Variants in FRMPD4 observed in about 807,000 individuals in gnomAD.
The protein encoded by FRMPD4 is FERM and PDZ domain containing 4.
In FRMPD4, 22 loss-of-function variants were observed where a neutral mutation model predicts 94.1. The observed-to-expected ratio is 0.23, with a 90% CI of 0.17 to 0.33. FRMPD4 has a LOEUF of 0.33. FRMPD4 is among the 10% of genes least tolerant of loss of function. FRMPD4 has a pLI of 1.00. For missense variants in FRMPD4, 1,111 were observed against 1,339.9 expected (o/e 0.83, Z 2.67); for synonymous variants, 631 against 548.6 (o/e 1.15, Z -2.10).
At chrX:12,545,506 T>C (rs1250837012) in intron 2 of FRMPD4, among the ~76,000 whole-genome samples, 1 of 112,860 alleles carries the variant, frequency 8.9e-6, no homozygotes, top group Non-Finnish European at 1.9e-5. Context: ...GGATGGTTGG[T>C]GCCCTAGGGC....
chrX:12,610,638 C>G (rs1474366237), intron 3 of FRMPD4, among the ~76,000 whole-genome samples: 1 of 110,249 alleles, frequency 9.1e-6, no homozygotes, highest in Non-Finnish European at 1.9e-5. Flanking sequence ...GTCCCAGCTA[C>G]TCGGGAGACT....
At chrX:12,484,584 T>C (rs2148201240) in intron 1 of FRMPD4, among the ~76,000 whole-genome samples, 1 of 112,023 alleles carries the variant, frequency 8.9e-6, no homozygotes, top group East Asian at 2.8e-4. Context: ...TACAATCAGA[T>C]GTTTGCTTCT....
intron 1 of FRMPD4, among the ~76,000 whole-genome samples, chrX:12,371,236 G>T (rs754095058): frequency 3.6e-5 from 4 of 112,405 alleles, no homozygotes; most frequent in African/African-American, 1.3e-4. Context: ...TGACATTTAC[G>T]TTTCCCCAAA....
At chrX:12,467,557 A>G (rs1165660713) in intron 1 of FRMPD4, among the ~76,000 whole-genome samples, 5 of 112,400 alleles carry the variant, frequency 4.4e-5, no homozygotes. Flanking sequence ...TCCACAGTAC[A>G]AAAGTGCCCA....
chrX:11,998,175 C>T (rs886930285), intron 3 of FRMPD4, among the ~76,000 whole-genome samples: 21 of 111,755 alleles, frequency 1.9e-4, no homozygotes, highest in African/African-American at 6.2e-4. Context: ...ATTCCCACCC[C>T]CTGCAAGGCC....
At chrX:12,463,709 T>TTC (rs1569286431) in intron 1 of FRMPD4, among the ~76,000 whole-genome samples, 1 of 101,188 alleles carries the variant, frequency 9.9e-6, no homozygotes, top group Non-Finnish European at 2.0e-5. Flanking sequence ...TTTTTTTTTT[T>TTC]TAACAGAGCA....
At chrX:12,346,606 C>T (rs1447802360) in intron 1 of FRMPD4, among the ~76,000 whole-genome samples, 10 of 111,487 alleles carry the variant, frequency 9.0e-5, no homozygotes, top group East Asian at 2.8e-4. Flanking sequence ...TTTGTACATA[C>T]GCCACTGCTT....
intron 3 of FRMPD4, among the ~76,000 whole-genome samples, chrX:11,942,228 CTTT>C (rs560019319): frequency 4.8e-4 from 38 of 79,113 alleles, no homozygotes; most frequent in East Asian, 1.0e-3. Context: ...TTTTTCTTTC[CTTT>C]TTTTTTTTTT....
chrX:11,854,209 G>C lies in FRMPD4; in HGVS notation c.-160-10877G>C, dbSNP rs187159914. On this transcript the variant is annotated intron_variant, in intron 1 of 18. Transcript: ENST00000640291. ...AACTCCCTATCATGAGAAAGAAATG[G>C]AGGAACTGCCCCCATGATTCATTTA... Among the ~76,000 whole-genome samples the C allele has an allele frequency of 4.5e-5, 5 of 111,049 alleles. No individual in the cohort carries two copies. In the East Asian group the frequency reaches 1.4e-3, roughly 32 times the overall value.
intron 3 of FRMPD4, among the ~76,000 whole-genome samples, chrX:12,108,503 A>G (rs2093041798): frequency 8.9e-6 from 1 of 112,411 alleles, no homozygotes. Flanking sequence ...TGCTAGGAAG[A>G]AACTGCATCA....
chrX:12,108,966 C>T (rs760458466), intron 3 of FRMPD4, among the ~76,000 whole-genome samples: 5 of 111,397 alleles, frequency 4.5e-5, no homozygotes, highest in Non-Finnish European at 9.4e-5. Flanking sequence ...TCCCACACAA[C>T]AATAGTGGGA....
intron 3 of FRMPD4, among the ~76,000 whole-genome samples, chrX:11,891,682 C>T (rs1385085811): frequency 8.9e-6 from 1 of 112,003 alleles, no homozygotes; most frequent in East Asian, 2.8e-4. Flanking sequence ...CTTGAGCTTA[C>T]TAAGCCCCAG....
intron 2 of FRMPD4, among the ~76,000 whole-genome samples, chrX:12,514,154 C>A (rs748103659): frequency 1.8e-5 from 2 of 111,526 alleles, no homozygotes; most frequent in African/African-American, 3.3e-5. Context: ...GGGATCATGT[C>A]GTCTACAAAC....
intron 3 of FRMPD4, among the ~76,000 whole-genome samples, chrX:12,025,003 T>C (rs1051046145): frequency 2.7e-5 from 3 of 111,896 alleles, no homozygotes; most frequent in Admixed American, 9.5e-5. Flanking sequence ...CATCTTATTC[T>C]GCCTCTCTGC....
rs1381281708 is a variant in FRMPD4, at chrX:12,569,720, G to A, written c.159-40001G>A. 6.2e-5 allele frequency among the ~76,000 whole-genome samples: 7 copies of A among 112,259 alleles called. No homozygotes were observed. In the East Asian group the frequency reaches 8.3e-4, roughly 13 times the overall value. ...TTTAAAAACAAAAGAGGTATCAGTG[G>A]AAACAGCTGAGCGCTAGTAAAAGTG... On this transcript the variant is annotated intron_variant, in intron 2 of 16. Transcript: ENST00000675598.
intron 2 of FRMPD4, among the ~76,000 whole-genome samples, chrX:12,576,723 T>C (rs1237097452): frequency 8.9e-6 from 1 of 112,779 alleles, no homozygotes; most frequent in Non-Finnish European, 1.9e-5. Context: ...CCACACCCCA[T>C]GGTAATCCAC....
At chrX:11,892,459 C>G (rs900043147) in intron 3 of FRMPD4, among the ~76,000 whole-genome samples, 3 of 112,017 alleles carry the variant, frequency 2.7e-5, no homozygotes, top group Non-Finnish European at 5.6e-5. Flanking sequence ...AGTGGAATCC[C>G]TCTTGATCTT....
chrX:11,973,450 A>G (rs770456588), intron 3 of FRMPD4, among the ~76,000 whole-genome samples: 7 of 111,529 alleles, frequency 6.3e-5, no homozygotes, highest in Non-Finnish European at 1.1e-4. Context: ...TAGCCAGGAC[A>G]TCACCTGGGG....
chrX:12,262,004 A>G (rs2054195748), intron 1 of FRMPD4, among the ~76,000 whole-genome samples: 1 of 112,181 alleles, frequency 8.9e-6, no homozygotes, highest in African/African-American at 3.2e-5. Context: ...GTTGTTACTC[A>G]TATGAATGAC....
Sources: allele counts gnomAD v4.1 joint callset (sites outside exome capture counted in the v4.1 genomes callset), GRCh38; gene constraint gnomAD v4.1.1; transcripts MANE v1.5; gene names NCBI Gene and HGNC (gene_info 2026-07-23, HGNC 2026-07-21).